The following ANKRD12 variants were observed in gnomAD, a reference collection of about 807,000 sequenced individuals.
ANKRD12 encodes the protein ankyrin repeat domain 12, also known as ankyrin repeat domain-containing protein 12.
A neutral mutation model predicts 183.4 loss-of-function variants in ANKRD12; 85 were observed. The observed-to-expected ratio is 0.46, with a 90% CI of 0.39 to 0.56. ANKRD12 has a LOEUF of 0.56. Among genes scored for constraint, ANKRD12 ranks in the 20% least tolerant of loss-of-function variants. ANKRD12 has a pLI of 0.00. For missense variants in ANKRD12, 2,405 were observed against 2,357.1 expected, an observed-to-expected ratio of 1.02 and a Z score of -0.42; for synonymous variants, 914 against 800.2, an observed-to-expected ratio of 1.14 and a Z score of -2.40.
intron 2 of ANKRD12, among the ~76,000 whole-genome samples, chr18:9,189,884 C>T (rs1459749208): frequency 6.6e-6 from 1 of 152,200 alleles, no homozygotes; most frequent in Non-Finnish European, 1.5e-5. Context: ...GTTTTCATGG[C>T]TGCTGACATG....
intron 1 of ANKRD12, among the ~76,000 whole-genome samples, chr18:9,176,844 C>T (rs1465209425): frequency 1.3e-5 from 2 of 151,936 alleles, no homozygotes; most frequent in African/African-American, 4.8e-5. Flanking sequence ...AAAAAAAAGA[C>T]ACCAAGAGAA....
rs767975128 is a variant in ANKRD12 at position 9,255,551 on chromosome 18, T to C, written c.2284T>C (p.Phe762Leu). Residue 762 changes from phenylalanine to leucine, a missense_variant, in exon 9 of 13, where the codon TTT becomes CTT. Phe to Leu is a conservative substitution (Grantham distance 22). This residue lies in a region of ANKRD12 where 1,983 missense variants were observed against 1,725.9 expected (regional missense o/e 1.15). Transcript: ENST00000262126. ...GATTAAAAAGGAAAGCGAGAAATCT[T>C]TTAGGGAGGAAAAAATAAAAGATCT... is the stretch of plus-strand genomic sequence containing the variant. ...DKIKKESEKS[F>L]REEKIKDLKE... is the part of the protein sequence containing the mutation. 18 of 1,574,692 alleles carry C rather than the reference T, an allele frequency of 1.1e-5. No homozygotes were observed. The Middle Eastern group carries it at 6.8e-4, about 60-fold the overall frequency.
Position 9,284,836 on chromosome 18 carries a change from G to A in ANKRD12, c.*3710G>A, listed in dbSNP as rs1568018234. On this transcript the variant is annotated 3_prime_UTR_variant, in exon 13 of 13. Coordinates refer to ENST00000262126, the MANE Select transcript of ANKRD12 (RefSeq NM_015208.5). ...AAAAGTACAACTAAAAAAATGGTTG[G>A]GTTTTCCCAGTGGTTAAATGCTATA... The A allele has an allele frequency of 2.0e-5, 3 of 152,106 alleles. No homozygotes were observed. The East Asian group carries it at 5.8e-4, about 29-fold the overall frequency. The allele number at this position is 152,106 out of a possible 1,614,324, so 9.4% of individuals were successfully genotyped here.
At chr18:9,162,768 T>C (rs867368446) in intron 1 of ANKRD12, among the ~76,000 whole-genome samples, 1 of 151,918 alleles carries the variant, frequency 6.6e-6, no homozygotes, top group Non-Finnish European at 1.5e-5. Context: ...TGGTATCTCA[T>C]TGTGGTTTTG....
chr18:9,192,293 G>A (rs2034500947), intron 2 of ANKRD12, among the ~76,000 whole-genome samples: 1 of 152,148 alleles, frequency 6.6e-6, no homozygotes, highest in Non-Finnish European at 1.5e-5. Context: ...TGTTATTCTT[G>A]TCACTTTGTT....
chr18:9,144,317 A>T (rs182720274), intron 1 of ANKRD12, among the ~76,000 whole-genome samples: 13 of 152,322 alleles, frequency 8.5e-5, no homozygotes, highest in African/African-American at 3.1e-4. Context: ...AGTGATTATT[A>T]ATCTTCTATA....
chr18:9,193,817 G>A (rs1248608833), intron 2 of ANKRD12, among the ~76,000 whole-genome samples: 1 of 152,114 alleles, frequency 6.6e-6, no homozygotes, highest in Non-Finnish European at 1.5e-5. Flanking sequence ...AAGATCTCCT[G>A]CTAAGGCAGT....
chr18:9,239,593 A>T (rs2037541635), intron 8 of ANKRD12: 1 of 1,147,792 alleles, frequency 8.7e-7, no homozygotes, highest in Non-Finnish European at 1.1e-6. Context: ...TTGCTGAAAA[A>T]GACTGATGAA....
chr18:9,183,547 T>C (rs1215090228), intron 2 of ANKRD12, among the ~76,000 whole-genome samples: 1 of 152,220 alleles, frequency 6.6e-6, no homozygotes, highest in Non-Finnish European at 1.5e-5. Flanking sequence ...TACAGAAATA[T>C]AATTGATTTT....
At chr18:9,250,379 C>T (rs1043764356) in intron 8 of ANKRD12, among the ~76,000 whole-genome samples, 2 of 151,940 alleles carry the variant, frequency 1.3e-5, no homozygotes, top group African/African-American at 4.8e-5. Context: ...ATGATGAGAC[C>T]CTGAGCTGAG....
intron 8 of ANKRD12, among the ~76,000 whole-genome samples, chr18:9,222,276 CT>C (rs944021545): frequency 6.6e-6 from 1 of 152,112 alleles, no homozygotes; most frequent in Non-Finnish European, 1.5e-5. Flanking sequence ...GCTGCAGAAC[CT>C]CTCCCCATGC....
chr18:9,280,458 A>G (rs2040058581), intron 12 of ANKRD12, among the ~76,000 whole-genome samples: 1 of 152,188 alleles, frequency 6.6e-6, no homozygotes, highest in South Asian at 2.1e-4. Context: ...CAGACCCACA[A>G]ATAGTTGGTA....
At chr18:9,145,414 T>C (rs529491081) in intron 1 of ANKRD12, among the ~76,000 whole-genome samples, 3 of 152,234 alleles carry the variant, frequency 2.0e-5, no homozygotes, top group East Asian at 3.8e-4. Context: ...GGCAATATTA[T>C]AGTATGTGTC....
At chr18:9,195,791 T>G in intron 3 of ANKRD12, 93 bp downstream of exon 3, 1 of 1,117,566 alleles carries the variant, frequency 8.9e-7, no homozygotes, top group Non-Finnish European at 1.2e-6. Context: ...CACCCCAGTT[T>G]ATAGAGAAAT....
rs186459932 is a variant in ANKRD12, at chr18:9,282,697, G to A, written c.*1571G>A. 6.6e-6 allele frequency: 1 copy of A among 152,618 alleles called. No individual in the cohort carries two copies. Among genetic ancestry groups the A allele is most frequent in the African/African-American group, 2.4e-5 (1 of 41,456 alleles). The allele number at this position is 152,618 out of a possible 1,614,324, so 9.5% of individuals were successfully genotyped here. ...CGATAGAGAAAAGTGAAGCAAATAT[G>A]TGAGGAATGAAGTGATCTAGTGCAA... is the stretch of plus-strand genomic sequence containing the variant. On this transcript the variant is annotated 3_prime_UTR_variant, in exon 13 of 13. Transcript: ENST00000262126.
chr18:9,261,740 A>T (rs2038978612), intron 9 of ANKRD12, among the ~76,000 whole-genome samples: 1 of 152,092 alleles, frequency 6.6e-6, no homozygotes, highest in Non-Finnish European at 1.5e-5. Context: ...TCTTTTGGGA[A>T]TTACCTCCCT....
At chr18:9,226,863 A>G (rs182613803) in intron 8 of ANKRD12, among the ~76,000 whole-genome samples, 1 of 152,348 alleles carries the variant, frequency 6.6e-6, no homozygotes. Flanking sequence ...TGAAAGATTA[A>G]GAAATGGGAA....
chr18:9,276,667 T>C (rs532115339), intron 11 of ANKRD12, among the ~76,000 whole-genome samples: 1 of 151,934 alleles, frequency 6.6e-6, no homozygotes, highest in Non-Finnish European at 1.5e-5. Flanking sequence ...TGAGCTGGAT[T>C]GTACCACTGC....
At chr18:9,189,775 G>GA (rs2034336388) in intron 2 of ANKRD12, among the ~76,000 whole-genome samples, 1 of 152,038 alleles carries the variant, frequency 6.6e-6, no homozygotes, top group Admixed American at 6.6e-5. Context: ...GACTTACTAA[G>GA]AAAAAAGGAT....
Sources: allele counts gnomAD v4.1 joint callset (sites outside exome capture counted in the v4.1 genomes callset), GRCh38; gene constraint gnomAD v4.1.1; regional missense constraint gnomAD v4.1.1; transcripts MANE v1.5; gene names NCBI Gene and HGNC (gene_info 2026-07-23, HGNC 2026-07-21).